The following TTC6 variants were observed in gnomAD, a reference collection of about 807,000 sequenced individuals.
TTC6 encodes tetratricopeptide repeat protein 6.
TTC6 carries 172 observed loss-of-function variants against 210.4 expected under a neutral mutation model. That is an observed-to-expected ratio of 0.82 (90% confidence interval 0.72 to 0.93). The LOEUF is 0.93. TTC6 is among the 40% of genes least tolerant of loss of function. TTC6 has a pLI of 0.00. For synonymous variants in TTC6, 804 were observed against 819.6 expected, an observed-to-expected ratio of 0.98 and a Z score of 0.32; for missense variants, 2,414 against 2,318.1, an observed-to-expected ratio of 1.04 and a Z score of -0.85.
At chr14:37,812,535 T>G in intron 25 of TTC6, 102 bp downstream of exon 27, 1 of 1,133,920 alleles carries the variant, frequency 8.8e-7, no homozygotes, top group Non-Finnish European at 1.2e-6. Context: ...TAATGAGTGG[T>G]AGCTCAACTT....
intron 4 of TTC6, among the ~76,000 whole-genome samples, chr14:37,699,769 T>A (rs1222782892): frequency 6.6e-6 from 1 of 151,846 alleles, no homozygotes; most frequent in African/African-American, 2.4e-5. Flanking sequence ...GAGAGAGGGG[T>A]CAAAGATGTT....
At chr14:37,638,058 A>G (rs754098548) in intron 1 of TTC6, among the ~76,000 whole-genome samples, 2 of 152,156 alleles carry the variant, frequency 1.3e-5, no homozygotes, top group East Asian at 1.9e-4. Flanking sequence ...TTTTTTCATA[A>G]TAACCCCTAA....
intron 10 of TTC6, among the ~76,000 whole-genome samples, chr14:37,747,979 A>G (rs1174353213): frequency 6.6e-6 from 1 of 152,176 alleles, no homozygotes; most frequent in Non-Finnish European, 1.5e-5. Flanking sequence ...ACCATGGTGA[A>G]GGGCTTGATT....
intron 10 of TTC6, among the ~76,000 whole-genome samples, chr14:37,745,941 C>T (rs550433702): frequency 6.6e-6 from 1 of 152,244 alleles, no homozygotes; most frequent in Non-Finnish European, 1.5e-5. Flanking sequence ...TCCACTATAG[C>T]TGGTTAGGTT....
upstream of TTC6, among the ~76,000 whole-genome samples, chr14:37,621,213 T>C (rs1013731506): frequency 2.6e-5 from 4 of 152,202 alleles, no homozygotes; most frequent in African/African-American, 9.6e-5. Flanking sequence ...GATTTGGCCC[T>C]TGCACTGACA....
At chr14:37,812,225 G>T (rs541429403) in intron 24 of TTC6, 89 bp from the exon 27 acceptor site, 1 of 1,331,572 alleles carries the variant, frequency 7.5e-7, no homozygotes, top group Non-Finnish European at 1.0e-6. Context: ...TAACCATTGG[G>T]TCCTAGTTTG....
intron 5 of TTC6, among the ~76,000 whole-genome samples, chr14:37,708,460 T>C (rs982278151): frequency 5.3e-5 from 8 of 152,112 alleles, no homozygotes; most frequent in African/African-American, 1.9e-4. Flanking sequence ...GCGTAATGAT[T>C]GACTAATCCA....
chr14:37,715,528 GAT>G (rs1158740108), intron 6 of TTC6, among the ~76,000 whole-genome samples: 1 of 151,856 alleles, frequency 6.6e-6, no homozygotes, highest in Non-Finnish European at 1.5e-5. Flanking sequence ...TATCAGATAA[GAT>G]AGACTTCCAA....
At chr14:37,736,004 T>A in exon 8 of TTC6, 1 of 1,515,218 alleles carries the variant, frequency 6.6e-7, no homozygotes, top group South Asian at 1.2e-5. Flanking sequence ...GCAGAACAAA[T>A]TTTTGGGTAT....
intron 1 of TTC6, among the ~76,000 whole-genome samples, chr14:37,600,490 G>T (rs926498398): frequency 6.6e-6 from 1 of 151,462 alleles, no homozygotes. Context: ...ATCCACTCGC[G>T]CCCCTCCCCC....
intron 14 of TTC6, among the ~76,000 whole-genome samples, chr14:37,758,756 A>C (rs1225271913): frequency 6.6e-6 from 1 of 152,120 alleles, no homozygotes; most frequent in Non-Finnish European, 1.5e-5. Flanking sequence ...TTTATACATT[A>C]GTTGGTGCAG....
At chr14:37,678,080 G>C (rs1021899089) in intron 1 of TTC6, among the ~76,000 whole-genome samples, 1 of 151,934 alleles carries the variant, frequency 6.6e-6, no homozygotes, top group African/African-American at 2.4e-5. Context: ...ACTTCTGATT[G>C]GATTTTGGAC....
intron 5 of TTC6, among the ~76,000 whole-genome samples, chr14:37,714,436 A>AC (rs2095849276): frequency 2.6e-5 from 4 of 152,190 alleles, no homozygotes. Context: ...AATGAAACAA[A>AC]ACCATCATAA....
At chr14:37,690,555 A>T (rs910554613) in intron 3 of TTC6, among the ~76,000 whole-genome samples, 1 of 152,180 alleles carries the variant, frequency 6.6e-6, no homozygotes, top group Non-Finnish European at 1.5e-5. Context: ...TGCCAATGGA[A>T]ACCAGAAAAG....
Position 37,796,378 on chromosome 14 carries a change from T to A in TTC6, c.3868+8T>A. ...TAGCAGAAATGGACAAAGGTAAGTA[T>A]AATTAATTATAACTTTTAAGAAATA... On this transcript the variant is annotated splice_region_variant and intron_variant, in intron 19 of 30. Coordinates refer to ENST00000553443, the Ensembl canonical transcript of TTC6. The A allele has an allele frequency of 9.2e-7, 1 of 1,081,684 alleles. No homozygotes were observed. Among genetic ancestry groups the A allele is most frequent in the Non-Finnish European group, 1.3e-6 (1 of 745,292 alleles). The allele number at this position is 1,081,684 out of a possible 1,614,324, so 67.0% of individuals were successfully genotyped here.
rs1211258939 is a variant in TTC6 at position 37,598,413 on chromosome 14, A to ACTC, written c.-235+2407_-235+2409dup. Among the ~76,000 whole-genome samples the ACTC allele has an allele frequency of 6.6e-6, 1 of 151,994 alleles. No individual in the cohort carries two copies. Among genetic ancestry groups the ACTC allele is most frequent in the Non-Finnish European group, 1.5e-5 (1 of 67,990 alleles). ...AGTGAGGACTGTAGGGTGCGCGGGT[A>ACTC]CTCCGGGTAGCCGCCAGCGGAGGAA... On this transcript the variant is annotated intron_variant, in intron 1 of 2. Transcript: ENST00000556845. This position sits in a 1 kb window ranked among gnomAD's most constrained non-coding sequence, Gnocchi z 4.9.
chr14:37,655,471 C>A (rs576664170), intron 1 of TTC6, among the ~76,000 whole-genome samples: 2 of 152,276 alleles, frequency 1.3e-5, no homozygotes, highest in African/African-American at 4.8e-5. Context: ...TTATGGGGTA[C>A]AAGCAGCCAA....
upstream of TTC6, among the ~76,000 whole-genome samples, chr14:37,617,511 T>C (rs1364365713): frequency 6.6e-6 from 1 of 152,148 alleles, no homozygotes; most frequent in Non-Finnish European, 1.5e-5. Flanking sequence ...TTTACTATTA[T>C]TGATATTAAC....
At chr14:37,634,301 A>G (rs118154092) in intron 1 of TTC6, among the ~76,000 whole-genome samples, 110 of 152,308 alleles carry the variant, frequency 7.2e-4, no homozygotes, top group Non-Finnish European at 1.3e-3. Flanking sequence ...AAGAAGAACC[A>G]AAGGAAATTT....
Sources: gnomAD v4.1 joint callset for allele counts (sites outside exome capture counted in the v4.1 genomes callset) on GRCh38, gnomAD v4.1.1 for gene constraint, Gnocchi (gnomAD v3.1) non-coding constraint, MANE v1.5 for transcripts, NCBI Gene and HGNC (gene_info 2026-07-23, HGNC 2026-07-21) for gene names.